C3orf22: variants seen among roughly 807,000 people sequenced by gnomAD.
C3orf22 encodes chromosome 3 open reading frame 22, also known as uncharacterized protein C3orf22.
A neutral mutation model predicts 10.8 loss-of-function variants in C3orf22; 7 were observed. The observed-to-expected ratio is 0.65, with a 90% CI of 0.37 to 1.22. The LOEUF is 1.22. C3orf22 is among the 50% of genes most tolerant of loss of function. The probability of loss-of-function intolerance (pLI) is 0.02; values close to 1 mark genes in which losing one functional copy is unlikely to be tolerated. For synonymous variants in C3orf22, 79 were observed against 78.9 expected (o/e 1.00, Z 0.00); for missense variants, 173 against 177.0 (o/e 0.98, Z 0.13).
intron 4 of C3orf22, chr3:126,529,425 C>A: frequency 7.8e-7 from 1 of 1,285,234 alleles, no homozygotes; most frequent in Non-Finnish European, 1.0e-6. Context: ...CACCCAGAGG[C>A]AGGGCAGCAT....
intron 4 of C3orf22, among the ~76,000 whole-genome samples, chr3:126,543,658 G>A (rs1937019649): frequency 6.6e-6 from 1 of 152,078 alleles, no homozygotes; most frequent in African/African-American, 2.4e-5. Context: ...GAGTGTGCAT[G>A]AGTGTGTGAG....
At chr3:126,555,007 G>A (rs1394318533) in intron 1 of C3orf22, among the ~76,000 whole-genome samples, 1 of 152,184 alleles carries the variant, frequency 6.6e-6, no homozygotes, top group African/African-American at 2.4e-5. Context: ...CATGACTGAG[G>A]GACTGAATAG....
chr3:126,552,924 C>T (rs28537121), intron 2 of C3orf22, among the ~76,000 whole-genome samples: 11,513 of 151,504 alleles, frequency 0.076, 815 homozygotes, highest in African/African-American at 0.19. Flanking sequence ...CAGGCCCCCT[C>T]GGGCTGCCCG....
rs74602149 is a variant in C3orf22, at chr3:126,556,014, C to T, written c.-40-2584G>A. Among the ~76,000 whole-genome samples the T allele has an allele frequency of 8.3e-3, 1,263 of 152,370 alleles. 12 individuals carry two copies. Among genetic ancestry groups the T allele is most frequent in the African/African-American group, 0.029 (1,204 of 41,592 alleles). On this transcript the variant is annotated intron_variant, in intron 1 of 3. Coordinates refer to ENST00000318225, the MANE Select transcript of C3orf22 (RefSeq NM_152533.3). ...CCTGCCAGCCCCTCCACACCACACC[C>T]TGTCCCATCCTACCTGGTGCTCCAC...
At chr3:126,538,788 T>C (rs1936857662) in intron 4 of C3orf22, among the ~76,000 whole-genome samples, 1 of 152,166 alleles carries the variant, frequency 6.6e-6, no homozygotes, top group Admixed American at 6.5e-5. Context: ...CTGGCAGCCT[T>C]CCCATGGTGA....
Position 126,549,799 on chromosome 3 carries a change from T to C in C3orf22, c.*69A>G. The stretch of plus-strand genomic sequence containing the variant: ...AGGCTGATCCCTTTACTAAAGTCTC[T>C]GTGGCTACTGCCCAGAGCCTGCCAA... On this transcript the variant is annotated 3_prime_UTR_variant, in exon 4 of 4. Transcript: ENST00000318225. 1 of 1,542,832 alleles carries C rather than the reference T, an allele frequency of 6.5e-7. No individual in the cohort carries two copies. Among genetic ancestry groups the C allele is most frequent in the African/African-American group, 1.4e-5 (1 of 73,242 alleles).
intron 4 of C3orf22, among the ~76,000 whole-genome samples, chr3:126,544,392 C>T (rs984773692): frequency 6.6e-6 from 1 of 152,208 alleles, no homozygotes; most frequent in African/African-American, 2.4e-5. Context: ...GTTTCAGGAG[C>T]TCTGTTACAA....
downstream of C3orf22, among the ~76,000 whole-genome samples, chr3:126,548,038 T>C (rs1937097695): frequency 6.6e-6 from 1 of 152,206 alleles, no homozygotes; most frequent in African/African-American, 2.4e-5. Context: ...AATGTGTTAT[T>C]TCAAGGAGTG....
intron 4 of C3orf22, chr3:126,542,573 C>T: frequency 3.4e-6 from 5 of 1,485,212 alleles, no homozygotes; most frequent in Non-Finnish European, 3.6e-6. Flanking sequence ...CCTGCGGCTG[C>T]TCTAGCGGTC....
chr3:126,542,633 C>T (rs904545218), intron 4 of C3orf22: 2 of 1,416,012 alleles, frequency 1.4e-6, no homozygotes, highest in Non-Finnish European at 1.8e-6. Flanking sequence ...ACAAGACCCC[C>T]GGGGAATGCA....
chr3:126,535,419 G>GCT (rs1936763476), intron 4 of C3orf22, among the ~76,000 whole-genome samples: 1 of 140,960 alleles, frequency 7.1e-6, no homozygotes, highest in African/African-American at 2.8e-5. Context: ...GTCCTCAACC[G>GCT]GGAGACAGAC....
At chr3:126,541,626 C>A in intron 4 of C3orf22, 2 of 1,111,744 alleles carry the variant, frequency 1.8e-6, no homozygotes, top group Non-Finnish European at 2.4e-6. Flanking sequence ...GTGCCCGGCG[C>A]AGCTCCTGCT....
chr3:126,541,553 A>C (rs1386184410), intron 4 of C3orf22, among the ~76,000 whole-genome samples: 1 of 152,176 alleles, frequency 6.6e-6, no homozygotes, highest in Non-Finnish European at 1.5e-5. Context: ...ATCTCGGCCC[A>C]GGACAGATGC....
At chr3:126,533,038 A>T (rs1490750) in intron 4 of C3orf22, among the ~76,000 whole-genome samples, 98,251 of 152,030 alleles carry the variant, frequency 0.65, 32,469 homozygotes, top group South Asian at 0.78. Context: ...TTGATTATTC[A>T]TTGCTAGTAT....
At chr3:126,529,172 T>G in exon 5 of C3orf22, 1 of 581,306 alleles carries the variant, frequency 1.7e-6, no homozygotes, top group South Asian at 1.5e-5. Context: ...GAGGTGGGTG[T>G]GCAGAGGAGG....
chr3:126,550,216 C>A, intron 3 of C3orf22, 138 bp from the exon 4 acceptor site: 2 of 919,354 alleles, frequency 2.2e-6, no homozygotes, highest in South Asian at 3.5e-5. Context: ...TTGACCTGGC[C>A]CCTTCCACAC....
chr3:126,542,334 A>G lies in C3orf22; in HGVS notation c.286+7203T>C, dbSNP rs781150127. ...CTCTGCCACCCGTGTCGCCTCCGCT[A>G]CGACGTCGTGGGCAAGTTCGAGACG... On this transcript the variant is annotated intron_variant and NMD_transcript_variant, in intron 4 of 5. Transcript: ENST00000505070. 8.3e-6 allele frequency: 13 copies of G among 1,565,674 alleles called. No homozygotes were observed. The South Asian group carries it at 1.5e-4, about 18-fold the overall frequency.
chr3:126,532,056 G>A (rs1020228874), intron 4 of C3orf22, among the ~76,000 whole-genome samples: 13 of 152,252 alleles, frequency 8.5e-5, no homozygotes, highest in Admixed American at 4.6e-4. Flanking sequence ...GCTTATTGCT[G>A]TAGGTATATC....
At chr3:126,539,471 C>T (rs1330758121) in intron 4 of C3orf22, among the ~76,000 whole-genome samples, 1 of 148,658 alleles carries the variant, frequency 6.7e-6, no homozygotes, top group Non-Finnish European at 1.5e-5. Context: ...ACCACACACA[C>T]TGCACACACA....
Sources: gnomAD v4.1 joint callset for allele counts (sites outside exome capture counted in the v4.1 genomes callset) on GRCh38, gnomAD v4.1.1 for gene constraint, MANE v1.5 for transcripts, NCBI Gene and HGNC (gene_info 2026-07-23, HGNC 2026-07-21) for gene names.